Variants in GPR176 observed in about 807,000 individuals in gnomAD.
GPR176 encodes G protein-coupled receptor 176, also known as G-protein coupled receptor 176.
In GPR176, 26 loss-of-function variants were observed where a neutral mutation model predicts 35.4. That is an observed-to-expected ratio of 0.74 (90% CI 0.54 to 1.02). GPR176 has a LOEUF of 1.02. GPR176 is among the 50% of genes least tolerant of loss of function. GPR176 has a pLI of 0.00. For synonymous variants in GPR176, 278 were observed against 271.3 expected (o/e 1.02, Z -0.24); for missense variants, 597 against 665.3 (o/e 0.90, Z 1.13).
Position 39,801,392 on chromosome 15 carries a change from A to C in GPR176, c.1288T>G (p.Ser430Ala), listed in dbSNP as rs2140768144. 1 of 1,614,200 alleles carries C rather than the reference A, an allele frequency of 6.2e-7. No individual in the cohort carries two copies. The highest frequency in any genetic ancestry group is 2.2e-5 in the East Asian group (1 of 44,880). ...GCTGCCGGTGCCACCTGGGATACAGAGTCCACTGTGCTCAGGGGTGGGGCA... is the reference window on the plus strand; with the variant it reads ...GCTGCCGGTGCCACCTGGGATACAGCGTCCACTGTGCTCAGGGGTGGGGCA... ...PSAPPLSTVDSVSQVAPAAPV... is the reference protein window; with the variant it reads ...PSAPPLSTVDAVSQVAPAAPV... The change falls in exon 3 of 3, where the codon TCT (serine) becomes GCT (alanine). Residue 430 changes from serine (S) to alanine (A), a missense_variant. By Grantham distance (99) the Ser-to-Ala change is moderately conservative. Transcript: ENST00000561100.
At chr15:39,894,625 G>C (rs548683789) in intron 1 of GPR176, 1 of 170,042 alleles carries the variant, frequency 5.9e-6, no homozygotes, top group South Asian at 1.0e-4. Context: ...GACGATGGGC[G>C]GCCGGGCAGA....
At chr15:39,888,734 C>T (rs916802315) in intron 1 of GPR176, among the ~76,000 whole-genome samples, 2 of 152,220 alleles carry the variant, frequency 1.3e-5, no homozygotes, top group Non-Finnish European at 2.9e-5. Context: ...GTAGCCTCAT[C>T]AATCCCTTTC....
chr15:39,849,177 G>A (rs922134847), intron 1 of GPR176, among the ~76,000 whole-genome samples: 1 of 152,128 alleles, frequency 6.6e-6, no homozygotes, highest in African/African-American at 2.4e-5. Flanking sequence ...GCATAATAAC[G>A]AAATAACCAT....
At chr15:39,865,037 GA>G (rs2031771671) in intron 1 of GPR176, among the ~76,000 whole-genome samples, 1 of 150,370 alleles carries the variant, frequency 6.7e-6, no homozygotes, top group Non-Finnish European at 1.5e-5. Flanking sequence ...TTATTAAAAA[GA>G]AAAAAATAAT....
chr15:39,811,117 G>A (rs1265590574), intron 1 of GPR176, among the ~76,000 whole-genome samples: 2 of 152,080 alleles, frequency 1.3e-5, no homozygotes, highest in Non-Finnish European at 2.9e-5. Flanking sequence ...CATATAGTTG[G>A]CTCTTGCTTT....
intron 1 of GPR176, among the ~76,000 whole-genome samples, chr15:39,835,242 A>T (rs1901324488): frequency 6.6e-6 from 1 of 151,752 alleles, no homozygotes; most frequent in Admixed American, 6.6e-5. Context: ...CTGGTCTCGA[A>T]CTCCTGACCT....
intron 1 of GPR176, among the ~76,000 whole-genome samples, chr15:39,834,618 T>A (rs1228521796): frequency 6.6e-6 from 1 of 152,180 alleles, no homozygotes; most frequent in Non-Finnish European, 1.5e-5. Flanking sequence ...AAGGAGATCC[T>A]ATCATTTGCA....
At chr15:39,837,690 A>G (rs543541410) in intron 1 of GPR176, among the ~76,000 whole-genome samples, 6 of 152,228 alleles carry the variant, frequency 3.9e-5, no homozygotes, top group African/African-American at 1.4e-4. Flanking sequence ...TCTTACATAC[A>G]TTAACTCATT....
chr15:39,811,947 A>T (rs1899597848), intron 1 of GPR176, among the ~76,000 whole-genome samples: 1 of 151,652 alleles, frequency 6.6e-6, no homozygotes. Flanking sequence ...ATTTTGGAGC[A>T]TTTCAGTTTT....
intron 1 of GPR176, among the ~76,000 whole-genome samples, chr15:39,895,082 T>G (rs2033060990): frequency 6.6e-6 from 1 of 152,136 alleles, no homozygotes; most frequent in Non-Finnish European, 1.5e-5. Flanking sequence ...CAGTCAGGCG[T>G]GGCGGCGCCA....
At chr15:39,833,181 C>A (rs1451033045) in intron 1 of GPR176, among the ~76,000 whole-genome samples, 1 of 152,072 alleles carries the variant, frequency 6.6e-6, no homozygotes, top group Non-Finnish European at 1.5e-5. Context: ...GAAAACATGT[C>A]CACATAGAAA....
rs750384778 is a variant in GPR176 at position 39,801,123 on chromosome 15, C to T, written c.*9G>A. ...GCTCCCCGTTGCTTCCAAGAATTTACAATCCTTGCTAGGAATCCACCTTTG... is the reference window on the plus strand; with the variant it reads ...GCTCCCCGTTGCTTCCAAGAATTTATAATCCTTGCTAGGAATCCACCTTTG... On this transcript the variant is annotated 3_prime_UTR_variant, in exon 3 of 3. Transcript: ENST00000561100. 1.3e-6 allele frequency: 2 copies of T among 1,577,358 alleles called. No individual in the cohort carries two copies. The highest frequency in any genetic ancestry group is 1.7e-6 in the Non-Finnish European group (2 of 1,160,110).
chr15:39,824,615 T>C (rs1900500573), intron 1 of GPR176, among the ~76,000 whole-genome samples: 1 of 152,248 alleles, frequency 6.6e-6, no homozygotes, highest in South Asian at 2.1e-4. Context: ...TTTTTACCAC[T>C]ATAGCCCCAA....
rs548756402 is a variant in GPR176, at chr15:39,888,865, G to A, written c.172+30990C>T. ...TTTAATGAGACAGGTAATTGTTTGC[G>A]ATAAACAGTCACCTCCTCTGGGTTA... is the stretch of plus-strand genomic sequence containing the variant. On this transcript the variant is annotated intron_variant, in intron 1 of 2. Transcript: ENST00000561100. 9.9e-5 allele frequency among the ~76,000 whole-genome samples: 15 copies of A among 152,204 alleles called. 1 individual carries two copies. In the South Asian group the frequency reaches 2.3e-3, roughly 23 times the overall value.
At chr15:39,888,121 GTTC>G (rs763950791) in intron 1 of GPR176, among the ~76,000 whole-genome samples, 1 of 152,254 alleles carries the variant, frequency 6.6e-6, no homozygotes, top group East Asian at 1.9e-4. Context: ...AATATTTACT[GTTC>G]TTTGTTGAAA....
In GPR176 at chr15:39,838,491, C is replaced by T. The variant is rs557159504; in HGVS notation, c.173-31233G>A. Reference sequence around the variant, plus strand: ...AAAGAAGCAATTATTGTTAATAAAACGTGAAGTTTTACATTAATAGCCCAT... The same window carrying T: ...AAAGAAGCAATTATTGTTAATAAAATGTGAAGTTTTACATTAATAGCCCAT... On this transcript the variant is annotated intron_variant, in intron 1 of 2. Coordinates refer to ENST00000561100, the MANE Select transcript of GPR176 (RefSeq NM_007223.3). 8.5e-5 allele frequency among the ~76,000 whole-genome samples: 13 copies of T among 152,172 alleles called. 1 individual carries two copies. The highest frequency in any genetic ancestry group is 3.9e-4 in the East Asian group (2 of 5,174).
intron 1 of GPR176, among the ~76,000 whole-genome samples, chr15:39,818,092 G>A (rs140691908): frequency 6.6e-6 from 1 of 152,298 alleles, no homozygotes; most frequent in Non-Finnish European, 1.5e-5. Context: ...AAACCAGCTT[G>A]CAGCCATAGG....
chr15:39,899,919 G>A (rs1042277032), intron 1 of GPR176, among the ~76,000 whole-genome samples: 3 of 151,948 alleles, frequency 2.0e-5, no homozygotes, highest in African/African-American at 7.3e-5. Context: ...ATTCTAGCAG[G>A]TCTCCAATGG....
At chr15:39,913,423 T>C (rs1018143139) in intron 1 of GPR176, among the ~76,000 whole-genome samples, 2 of 152,088 alleles carry the variant, frequency 1.3e-5, no homozygotes, top group African/African-American at 2.4e-5. Context: ...CACACACTTG[T>C]AGTCCCATCT....
Sources: allele counts gnomAD v4.1 joint callset (sites outside exome capture counted in the v4.1 genomes callset), GRCh38; gene constraint gnomAD v4.1.1; transcripts MANE v1.5; gene names NCBI Gene and HGNC (gene_info 2026-07-23, HGNC 2026-07-21).